Variants in MYO15A observed in about 807,000 individuals in gnomAD.
MYO15A encodes the protein unconventional myosin-XV.
A neutral mutation model predicts 394.6 loss-of-function variants in MYO15A; 308 were observed. The observed-to-expected ratio is 0.78, with a 90% CI of 0.71 to 0.86. MYO15A has a LOEUF of 0.86. Ranked by LOEUF, MYO15A falls within the 40% of genes least tolerant of loss-of-function variation. The probability of loss-of-function intolerance (pLI) is 0.00; values close to 1 mark genes in which losing one functional copy is unlikely to be tolerated. For missense variants in MYO15A, 4,606 were observed against 4,799.1 expected (o/e 0.96, Z 1.19); for synonymous variants, 1,957 against 2,003.8 (o/e 0.98, Z 0.62).
chr17:18,145,746 A>G (rs2046465911), intron 29 of MYO15A, 126 bp from the exon 30 acceptor site: 6 of 780,632 alleles, frequency 7.7e-6, no homozygotes, highest in Non-Finnish European at 1.3e-5. Flanking sequence ...GTTATATTGT[A>G]ATATAAGGGA....
At chr17:18,112,426 C>T (rs144377613) in intron 1 of MYO15A, among the ~76,000 whole-genome samples, 1 of 152,036 alleles carries the variant, frequency 6.6e-6, no homozygotes, top group East Asian at 1.9e-4. Context: ...GACAGGGTCT[C>T]GCACCGTCAC....
In MYO15A at chr17:18,178,869, G is replaced by A; in HGVS notation, c.10592G>A (p.Ter3531=). Residue 3531 remains the stop codon, a stop_retained_variant, in exon 66 of 66, where the codon TGA becomes TAA. Transcript: ENST00000647165. The part of the protein sequence containing the change: ...TLPPSEITLL[*] ...CCCCCCAGCGAGATCACCCTGCTCT[G>A]ACCCAGCCCCCAGCCCTCCAGTACC... 6.2e-7 allele frequency: 1 copy of A among 1,612,652 alleles called. No homozygotes were observed. Among genetic ancestry groups the A allele is most frequent in the Non-Finnish European group, 8.5e-7 (1 of 1,179,978 alleles).
In MYO15A at chr17:18,121,148, C is replaced by G. The variant is rs2045918653; in HGVS notation, c.2348C>G (p.Ser783Trp). ...TCGCCCCAGCCCTCGCTGAGGAGCT[C>G]GCCGGGCCTCGGCTACTGCTCACCC... ...LASPQPSLRS[S>W]PGLGYCSPLA... The change falls in exon 2 of 66, where the codon TCG (serine) becomes TGG (tryptophan). Residue 783 changes from serine (S) to tryptophan (W), a missense_variant. Ser to Trp is a radical substitution (Grantham distance 177, BLOSUM62 -3). Transcript: ENST00000647165. The surrounding 1 kb of genome is among the most constrained non-coding windows in gnomAD (Gnocchi z 5.3). 14 of 1,510,846 alleles carry G rather than the reference C, an allele frequency of 9.3e-6. No individual in the cohort carries two copies. Among genetic ancestry groups the G allele is most frequent in the Non-Finnish European group, 1.1e-5 (12 of 1,135,720 alleles). The allele number at this position is 1,510,846 out of a possible 1,614,324, so 93.6% of individuals were successfully genotyped here. A position where few individuals can be genotyped will look rare whatever the true frequency, so the allele number is the denominator to read the frequency against.
Position 18,155,219 on chromosome 17 carries a change from C to A in MYO15A, c.8334C>A (p.Pro2778=), listed in dbSNP as rs545645668. ...TWEVYFSRIF[P]ATGSVGTGVQ... ...AGGTCTACTTCTCCCGCATCTTCCC[C>A]GCCACGGTGCGAGCCCCTCACTTGC... The change falls in exon 46 of 66, where the codon CCC becomes CCA. Residue 2778 remains proline (P), a synonymous_variant. Coordinates refer to ENST00000647165, the MANE Select transcript of MYO15A (RefSeq NM_016239.4). 1 of 1,613,984 alleles carries A rather than the reference C, an allele frequency of 6.2e-7. No individual in the cohort carries two copies. Among genetic ancestry groups the A allele is most frequent in the Admixed American group, 1.7e-5 (1 of 60,028 alleles).
At position 18,147,895 on chromosome 17, in the gene MYO15A, C is replaced by A; in HGVS notation, c.6510-134C>A. The A allele has an allele frequency of 8.6e-7, 1 of 1,167,376 alleles. No homozygotes were observed. Among genetic ancestry groups the A allele is most frequent in the Non-Finnish European group, 1.3e-6 (1 of 796,432 alleles). The allele number at this position is 1,167,376 out of a possible 1,614,324, so 72.3% of individuals were successfully genotyped here. On this transcript the variant is annotated intron_variant, in intron 30 of 65. Coordinates refer to ENST00000647165, the MANE Select transcript of MYO15A (RefSeq NM_016239.4). The surrounding 1 kb of genome is among the most constrained non-coding windows in gnomAD (Gnocchi z 4.4). Reference sequence around the variant, plus strand: ...TGAACCAGCCTGGAGCCTTTTTAGCCTCACCTTGGAGCTCTGGAGTAGCCT... The same window carrying A: ...TGAACCAGCCTGGAGCCTTTTTAGCATCACCTTGGAGCTCTGGAGTAGCCT...
chr17:18,131,162 C>A, intron 8 of MYO15A, 77 bp from the exon 9 acceptor site: 1 of 1,326,338 alleles, frequency 7.5e-7, no homozygotes, highest in South Asian at 1.2e-5. Context: ...GTCTGGGTGT[C>A]CCCAGCTATG....
intron 64 of MYO15A, 134 bp from the exon 65 acceptor site, chr17:18,173,647 G>C (rs916365419): frequency 1.6e-5 from 19 of 1,220,172 alleles, no homozygotes; most frequent in Non-Finnish European, 2.2e-5. Flanking sequence ...GGTCACGCAA[G>C]TCACTGGGGA....
Position 18,148,970 on chromosome 17 carries a change from AC to A in MYO15A, c.6956+23del. ...CCCAAAGTGTAGGTAGCTATGGGGG[AC>A]CCCCTCACAGATGGCCACTCCCAGG... On this transcript the variant is annotated intron_variant, in intron 33 of 65. Transcript: ENST00000647165. This position sits in a 1 kb window ranked among gnomAD's most constrained non-coding sequence, Gnocchi z 4.8. 1 of 1,569,210 alleles carries A rather than the reference AC, an allele frequency of 6.4e-7. No individual in the cohort carries two copies.
At chr17:18,115,742 C>T (rs1364623098) in intron 1 of MYO15A, among the ~76,000 whole-genome samples, 1 of 152,180 alleles carries the variant, frequency 6.6e-6, no homozygotes, top group Non-Finnish European at 1.5e-5. Context: ...ACATGTGCCC[C>T]TGAACTCTGA....
At chr17:18,123,949 A>G (rs2045985389) in intron 2 of MYO15A, 1 of 191,238 alleles carries the variant, frequency 5.2e-6, no homozygotes, top group South Asian at 1.1e-4. Flanking sequence ...CCACAGGCCT[A>G]CAGGAACACC....
At chr17:18,178,747 G>C in intron 65 of MYO15A, 22 bp from the exon 66 acceptor site, 1 of 1,610,308 alleles carries the variant, frequency 6.2e-7, no homozygotes, top group Non-Finnish European at 8.5e-7. Context: ...GGATGGGCGT[G>C]GACTGTCACT....
rs1445071047 is a variant in MYO15A, at chr17:18,119,337, G to C, written c.537G>C (p.Glu179Asp). The change falls in exon 2 of 66, where the codon GAG becomes GAC. Residue 179 changes from glutamate (E) to aspartate (D), a missense_variant. By Grantham distance (45) the Glu-to-Asp change is conservative (BLOSUM62 2). Transcript: ENST00000647165. ...SRKLPFPSGA[E>D]ILRPGGRLRR... The stretch of plus-strand genomic sequence containing the variant: ...AACTCCCCTTCCCGTCGGGTGCCGA[G>C]ATCCTGCGGCCTGGGGGCCGGCTCC... 1 of 1,609,398 alleles carries C rather than the reference G, an allele frequency of 6.2e-7. No homozygotes were observed. The highest frequency in any genetic ancestry group is 8.5e-7 in the Non-Finnish European group (1 of 1,179,236).
At chr17:18,177,778 CA>C (rs1287197262) in intron 65 of MYO15A, 1 of 152,234 alleles carries the variant, frequency 6.6e-6, no homozygotes, top group African/African-American at 2.4e-5. Context: ...TAGGACACAT[CA>C]GGCCTTTAGG....
chr17:18,111,207 C>A (rs1220870910), intron 1 of MYO15A, among the ~76,000 whole-genome samples: 1 of 152,158 alleles, frequency 6.6e-6, no homozygotes, highest in East Asian at 1.9e-4. Context: ...TGGTAGCCCA[C>A]CTCTGTAGTC....
rs376905344 is a variant in MYO15A, at chr17:18,120,123, G to C, written c.1323G>C (p.Ala441=). The C allele has an allele frequency of 1.4e-5, 23 of 1,612,650 alleles. No homozygotes were observed. In the African/African-American group the frequency reaches 2.8e-4, roughly 20 times the overall value. ...DIAELEEPED[A]GVERQGTSFR... The stretch of plus-strand genomic sequence containing the variant: ...CCGAGCTGGAGGAACCAGAGGACGC[G>C]GGCGTAGAGCGTCAGGGGACCTCCT... Residue 441 remains alanine (A), a synonymous_variant, in exon 2 of 66, where the codon GCG becomes GCC. Coordinates refer to ENST00000647165, the MANE Select transcript of MYO15A (RefSeq NM_016239.4).
intron 53 of MYO15A, 40 bp downstream of exon 53, chr17:18,159,037 G>T: frequency 6.2e-7 from 1 of 1,602,678 alleles, no homozygotes; most frequent in Admixed American, 1.7e-5. Context: ...TCTGTAAAAT[G>T]GTGATGCAGG....
intron 10 of MYO15A, 122 bp downstream of exon 10, chr17:18,131,653 C>A: frequency 8.5e-7 from 1 of 1,174,194 alleles, no homozygotes; most frequent in Non-Finnish European, 1.2e-6. Context: ...TACATGCGTA[C>A]ATGTGTACAT....
intron 1 of MYO15A, among the ~76,000 whole-genome samples, chr17:18,114,035 T>C (rs1413570751): frequency 1.3e-5 from 2 of 152,202 alleles, no homozygotes; most frequent in Non-Finnish European, 2.9e-5. Context: ...TCTGTTTGTG[T>C]GTCCTTACCC....
In MYO15A at chr17:18,120,590, C is replaced by G. The variant is rs753402600; in HGVS notation, c.1790C>G (p.Ala597Gly). ...ARLRGSQKAR[A>G]GGPAVREAAY... ...CTCAGGGGCAGCCAGAAGGCCCGGG[C>G]GGGCGGCCCTGCTGTCAGGGAGGCG... The change falls in exon 2 of 66, where the codon GCG (alanine) becomes GGG (glycine). Residue 597 changes from alanine (A) to glycine (G), a missense_variant. By Grantham distance (60) the Ala-to-Gly change is moderately conservative. Around this residue, in one of 2 missense-constraint regions of MYO15A, gnomAD observed 1,830 missense variants for 1,689.7 expected, o/e 1.08. Coordinates refer to ENST00000647165, the MANE Select transcript of MYO15A (RefSeq NM_016239.4). The G allele has an allele frequency of 4.0e-5, 64 of 1,597,390 alleles. No individual in the cohort carries two copies. The highest frequency in any genetic ancestry group is 5.3e-5 in the Non-Finnish European group (62 of 1,174,318).
Sources: allele counts gnomAD v4.1 joint callset (sites outside exome capture counted in the v4.1 genomes callset), GRCh38; gene constraint gnomAD v4.1.1; regional missense constraint gnomAD v4.1.1; non-coding constraint Gnocchi (gnomAD v3.1); transcripts MANE v1.5; gene names NCBI Gene and HGNC (gene_info 2026-07-23, HGNC 2026-07-21).